Variants in DSTYK observed in about 807,000 individuals in gnomAD.
The protein encoded by DSTYK is RIP-homologous kinase.
DSTYK carries 34 observed loss-of-function variants against 98.7 expected under a neutral mutation model. The ratio of observed to expected loss-of-function variants is 0.34; its 90% confidence interval spans 0.26 to 0.46. The LOEUF (loss-of-function observed/expected upper bound fraction) is 0.46, where lower values mean the gene tolerates loss of function less well. Ranked by LOEUF, DSTYK falls within the 20% of genes least tolerant of loss-of-function variation. The pLI is 1.00. For missense variants in DSTYK, 962 were observed against 1,181.7 expected (o/e 0.81, Z 2.73); for synonymous variants, 462 against 457.3 (o/e 1.01, Z -0.13).
chr1:205,173,142 C>T (rs921062127), intron 2 of DSTYK: 1 of 151,820 alleles, frequency 6.6e-6, no homozygotes, highest in East Asian at 1.9e-4. Context: ...ACTTGTAATC[C>T]CAGCACTTTG....
rs770322382 is a variant in DSTYK, at chr1:205,157,364, C to A, written c.2261G>T (p.Arg754Leu). ...CACCACATCTAGTGCTATCTGCAAA[C>A]GTGTCTCCAGGGTCAGCCCAGCCTT... ...GLKAGLTLET[R>L]LQIALDVVEG... is the part of the protein sequence containing the mutation. Residue 754 changes from arginine (R) to leucine (L), a missense_variant, in exon 10 of 13, where the codon CGT becomes CTT. Coordinates refer to ENST00000367162, the MANE Select transcript of DSTYK (RefSeq NM_015375.3). The A allele has an allele frequency of 6.2e-7, 1 of 1,614,152 alleles. No homozygotes were observed.
chr1:205,196,837 T>A (rs1294288006), intron 1 of DSTYK, among the ~76,000 whole-genome samples: 1 of 143,624 alleles, frequency 7.0e-6, no homozygotes, highest in African/African-American at 2.6e-5. Flanking sequence ...TGATCTCAGC[T>A]CACTGCAGCC....
At position 205,162,329 on chromosome 1, in the gene DSTYK, G is replaced by T. The variant is rs1017037717; in HGVS notation, c.1642-117C>A. 9.7e-6 allele frequency: 12 copies of T among 1,233,642 alleles called. No homozygotes were observed. In the African/African-American group the frequency reaches 1.8e-4, roughly 19 times the overall value. The allele number at this position is 1,233,642 out of a possible 1,614,324, so 76.4% of individuals were successfully genotyped here. A position where few individuals can be genotyped will look rare whatever the true frequency, so the allele number is the denominator to read the frequency against. On this transcript the variant is annotated intron_variant, in intron 5 of 12. Coordinates refer to ENST00000367162, the MANE Select transcript of DSTYK (RefSeq NM_015375.3). Reference sequence around the variant, plus strand: ...CATTAAGAGCAGGCTCATAAGATGGGAGCCATACGAAGTCCAAAGTTCCTT... The same window carrying T: ...CATTAAGAGCAGGCTCATAAGATGGTAGCCATACGAAGTCCAAAGTTCCTT...
intron 10 of DSTYK, among the ~76,000 whole-genome samples, chr1:205,154,425 C>T (rs74351295): frequency 2.2e-4 from 34 of 152,140 alleles, no homozygotes; most frequent in African/African-American, 8.0e-4. Flanking sequence ...CCCTTTTGAT[C>T]GGCACTTCTC....
Position 205,145,708 on chromosome 1 carries a change from C to T in DSTYK, c.*1850G>A, listed in dbSNP as rs1047997996. The T allele has an allele frequency of 6.6e-6, 1 of 150,572 alleles. No individual in the cohort carries two copies. Among genetic ancestry groups the T allele is most frequent in the Non-Finnish European group, 1.5e-5 (1 of 67,942 alleles). The allele number at this position is 150,572 out of a possible 1,614,324, so 9.3% of individuals were successfully genotyped here. ...CATGCCCGGCTAATTTGCAACTCAT[C>T]TTATACACCTACCTGGGGACCTGTT... On this transcript the variant is annotated 3_prime_UTR_variant, in exon 13 of 13. Transcript: ENST00000367162.
intron 6 of DSTYK, 53 bp from the exon 7 acceptor site, chr1:205,161,440 C>A (rs1657716955): frequency 5.7e-6 from 9 of 1,586,104 alleles, no homozygotes; most frequent in Non-Finnish European, 7.8e-6. Flanking sequence ...GCTTCAGCTT[C>A]CTCACCTGTT....
intron 1 of DSTYK, among the ~76,000 whole-genome samples, chr1:205,194,668 C>A (rs896685044): frequency 1.3e-5 from 2 of 151,636 alleles, no homozygotes; most frequent in African/African-American, 4.9e-5. Context: ...TAGGCATGAG[C>A]CGCCGTGCCT....
chr1:205,148,714 CAGGT>C (rs776801079), intron 11 of DSTYK, among the ~76,000 whole-genome samples: 11 of 152,046 alleles, frequency 7.2e-5, no homozygotes, highest in Non-Finnish European at 1.6e-4. Flanking sequence ...TTTTTAAAGT[CAGGT>C]AGAAGAGTCT....
intron 2 of DSTYK, among the ~76,000 whole-genome samples, chr1:205,174,709 TA>T (rs1277792488): frequency 5.4e-5 from 8 of 147,966 alleles, no homozygotes; most frequent in Non-Finnish European, 3.0e-5. Flanking sequence ...ATTAATTAAT[TA>T]AAAAAAGGGA....
Position 205,181,838 on chromosome 1 carries a change from C to T in DSTYK, c.654+5580G>A, listed in dbSNP as rs76768232. ...CTTGGACCACAGGTGTACACCTCCA[C>T]ACCTGGCTAATTTTTTGTAGAGACG... On this transcript the variant is annotated intron_variant, in intron 2 of 12. Coordinates refer to ENST00000367162, the MANE Select transcript of DSTYK (RefSeq NM_015375.3). Among the ~76,000 whole-genome samples, 163 of 152,032 alleles carry T rather than the reference C, an allele frequency of 1.1e-3. 3 individuals carry two copies. The East Asian group carries it at 0.03, about 28-fold the overall frequency.
intron 1 of DSTYK, among the ~76,000 whole-genome samples, chr1:205,207,614 G>T (rs1191570918): frequency 6.7e-6 from 1 of 149,552 alleles, no homozygotes; most frequent in Admixed American, 6.6e-5. Flanking sequence ...AAATTAGCTG[G>T]GCCTGGTGGC....
intron 1 of DSTYK, among the ~76,000 whole-genome samples, chr1:205,204,333 C>T (rs1259520013): frequency 6.6e-6 from 1 of 152,042 alleles, no homozygotes; most frequent in Non-Finnish European, 1.5e-5. Flanking sequence ...GGACTGGGAG[C>T]CTAGAGACTC....
At chr1:205,210,450 T>C (rs1317070998) in intron 1 of DSTYK, among the ~76,000 whole-genome samples, 1 of 152,108 alleles carries the variant, frequency 6.6e-6, no homozygotes, top group Non-Finnish European at 1.5e-5. Context: ...TATTTCCTAA[T>C]TAGACGCAGT....
At chr1:205,181,265 C>T (rs1443965262) in intron 2 of DSTYK, among the ~76,000 whole-genome samples, 1 of 147,664 alleles carries the variant, frequency 6.8e-6, no homozygotes, top group African/African-American at 2.4e-5. Context: ...GTCTTTCCTA[C>T]CTTTTACCTA....
At chr1:205,182,383 C>A (rs575768000) in intron 2 of DSTYK, among the ~76,000 whole-genome samples, 1 of 150,866 alleles carries the variant, frequency 6.6e-6, no homozygotes, top group Non-Finnish European at 1.5e-5. Flanking sequence ...AGAGTGAGAC[C>A]CTGTCTCAAA....
rs1574738415 is a variant in DSTYK, at chr1:205,144,238, A to G, written c.*3320T>C. 6.6e-6 allele frequency: 1 copy of G among 152,242 alleles called. No homozygotes were observed. The highest frequency in any genetic ancestry group is 1.5e-5 in the Non-Finnish European group (1 of 68,010). 9.4% of individuals were successfully genotyped at this position (152,242 alleles called of 1,614,324 possible). A position where few individuals can be genotyped will look rare whatever the true frequency, so the allele number is the denominator to read the frequency against. ...GGCCATTAAAAATGGCCAGGTCATC[A>G]TTTTCATGTTGGGGTAAGCTGCCCT... On this transcript the variant is annotated 3_prime_UTR_variant, in exon 13 of 13. Coordinates refer to ENST00000367162, the MANE Select transcript of DSTYK (RefSeq NM_015375.3).
intron 9 of DSTYK, 31 bp downstream of exon 9, chr1:205,159,516 G>A: frequency 1.9e-6 from 3 of 1,592,668 alleles, no homozygotes; most frequent in Non-Finnish European, 2.6e-6. Context: ...CCGTGGATTT[G>A]GCTGCCAGCT....
chr1:205,174,512 CCAA>C (rs1558612526), intron 2 of DSTYK, among the ~76,000 whole-genome samples: 8 of 40,012 alleles, frequency 2.0e-4, no homozygotes, highest in Non-Finnish European at 1.8e-4. Flanking sequence ...GACTCCGTCT[CCAA>C]AAAAAAAAAA....
intron 1 of DSTYK, among the ~76,000 whole-genome samples, chr1:205,199,301 A>G (rs1658958271): frequency 6.6e-6 from 1 of 152,144 alleles, no homozygotes; most frequent in Non-Finnish European, 1.5e-5. Flanking sequence ...CTGCCTAGAG[A>G]AGAAAATAGA....
Sources: allele counts gnomAD v4.1 joint callset (sites outside exome capture counted in the v4.1 genomes callset), GRCh38; gene constraint gnomAD v4.1.1; transcripts MANE v1.5; gene names NCBI Gene and HGNC (gene_info 2026-07-23, HGNC 2026-07-21).